The following FRMPD2 variants were observed in gnomAD, a reference collection of about 807,000 sequenced individuals.
The protein encoded by FRMPD2 is FERM and PDZ domain containing 2.
A neutral mutation model predicts 140.1 loss-of-function variants in FRMPD2; 96 were observed. That is an observed-to-expected ratio of 0.69 (90% CI 0.58 to 0.81). The LOEUF (loss-of-function observed/expected upper bound fraction) is 0.81, where lower values mean the gene tolerates loss of function less well. FRMPD2 is among the 40% of genes least tolerant of loss of function. FRMPD2 has a pLI of 0.00. For synonymous variants in FRMPD2, 449 were observed against 547.6 expected (o/e 0.82, Z 2.52); for missense variants, 1,240 against 1,447.4 (o/e 0.86, Z 2.32).
At chr10:48,250,852 A>C (rs1298134160) in intron 2 of FRMPD2, among the ~76,000 whole-genome samples, 2 of 141,124 alleles carry the variant, frequency 1.4e-5, no homozygotes, top group Non-Finnish European at 3.0e-5. Context: ...GCTGGAGGGC[A>C]GTGGCACAAT....
At chr10:48,246,660 G>C (rs906684460) in intron 3 of FRMPD2, among the ~76,000 whole-genome samples, 10 of 152,202 alleles carry the variant, frequency 6.6e-5, no homozygotes, top group Admixed American at 3.9e-4. Context: ...GGCAGATGTT[G>C]GTCCAAGGAG....
At chr10:48,203,020 G>C (rs1334173762) in intron 14 of FRMPD2, among the ~76,000 whole-genome samples, 1 of 152,044 alleles carries the variant, frequency 6.6e-6, no homozygotes, top group Non-Finnish European at 1.5e-5. Flanking sequence ...GGCTGCTCTC[G>C]AACTCCTGGA....
intron 4 of FRMPD2, among the ~76,000 whole-genome samples, 178 bp from the exon 5 acceptor site, chr10:48,242,530 A>G (rs145353522): frequency 6.6e-6 from 1 of 152,402 alleles, no homozygotes; most frequent in Admixed American, 6.5e-5. Flanking sequence ...CTGAGGCCGC[A>G]AAGTGCGGAG....
intron 4 of FRMPD2, 31 bp from the exon 5 acceptor site, chr10:48,242,383 G>A (rs370515806): frequency 6.3e-7 from 1 of 1,590,064 alleles, no homozygotes; most frequent in Non-Finnish European, 8.6e-7. Context: ...TGAGAGGAGA[G>A]AGCAGCCAGA....
chr10:48,232,577 C>T (rs534653315), intron 9 of FRMPD2, among the ~76,000 whole-genome samples: 8 of 152,264 alleles, frequency 5.3e-5, no homozygotes, highest in South Asian at 4.1e-4. Flanking sequence ...GTCTGACTGA[C>T]GTCTTTCCCA....
In FRMPD2 at chr10:48,211,949, C is replaced by T. The variant is rs1379665373; in HGVS notation, c.1611+5G>A. On this transcript the variant is annotated splice_donor_5th_base_variant and intron_variant, in intron 13 of 28. Coordinates refer to ENST00000374201, the MANE Select transcript of FRMPD2 (RefSeq NM_001018071.4). ...ACACCTCTCTCCAGGTCAGGAAGGC[C>T]TTACCCTCAAGAACTTCAGCTCAGC... is the stretch of plus-strand genomic sequence containing the variant. The T allele has an allele frequency of 6.2e-7, 1 of 1,612,978 alleles. No individual in the cohort carries two copies. The highest frequency in any genetic ancestry group is 8.5e-7 in the Non-Finnish European group (1 of 1,179,598).
At chr10:48,207,948 T>C (rs1212849259) in intron 13 of FRMPD2, among the ~76,000 whole-genome samples, 2 of 152,330 alleles carry the variant, frequency 1.3e-5, no homozygotes, top group East Asian at 1.9e-4. Context: ...ACAGCTATGC[T>C]GCCTGCAGAC....
chr10:48,228,800 TA>T (rs1271224948), intron 10 of FRMPD2, among the ~76,000 whole-genome samples: 3 of 152,032 alleles, frequency 2.0e-5, no homozygotes, highest in Non-Finnish European at 2.9e-5. Context: ...TGTTGTCGTT[TA>T]AAAAAGTAAT....
chr10:48,179,991 G>A (rs1474437353), intron 21 of FRMPD2, among the ~76,000 whole-genome samples: 3 of 152,212 alleles, frequency 2.0e-5, no homozygotes, highest in Non-Finnish European at 4.4e-5. Context: ...TGAGCCTGAA[G>A]GGCGAGAGAA....
intron 18 of FRMPD2, 147 bp from the exon 19 acceptor site, chr10:48,185,028 A>C (rs540175536): frequency 3.3e-6 from 2 of 610,816 alleles, no homozygotes; most frequent in South Asian, 4.3e-5. Flanking sequence ...CAAATAGAGG[A>C]TCTTTTCTAC....
chr10:48,184,902 C>T (rs1304723494), intron 18 of FRMPD2, 21 bp from the exon 19 acceptor site: 1 of 1,556,768 alleles, frequency 6.4e-7, no homozygotes, highest in Non-Finnish European at 8.8e-7. Context: ...AGATGATAGT[C>T]CATGATAAGA....
At chr10:48,174,012 T>A (rs1247775935) in intron 24 of FRMPD2, among the ~76,000 whole-genome samples, 1 of 152,146 alleles carries the variant, frequency 6.6e-6, no homozygotes, top group African/African-American at 2.4e-5. Flanking sequence ...TTAGCAAAGG[T>A]CTAAATATCA....
intron 1 of FRMPD2, among the ~76,000 whole-genome samples, chr10:48,256,807 C>T (rs1840499048): frequency 1.3e-5 from 2 of 152,192 alleles, no homozygotes; most frequent in South Asian, 4.1e-4. Context: ...CTCCAAACTC[C>T]TGGTTTGTCC....
chr10:48,250,047 C>A (rs769079878), intron 2 of FRMPD2, among the ~76,000 whole-genome samples: 1 of 152,126 alleles, frequency 6.6e-6, no homozygotes, highest in African/African-American at 2.4e-5. Flanking sequence ...ACCTCAAGGC[C>A]GGAACTTGAC....
intron 1 of FRMPD2, among the ~76,000 whole-genome samples, chr10:48,265,674 C>T (rs531514842): frequency 3.3e-5 from 5 of 152,278 alleles, no homozygotes; most frequent in African/African-American, 4.8e-5. Flanking sequence ...GAGATACCAT[C>T]TCACACTGGT....
intron 1 of FRMPD2, among the ~76,000 whole-genome samples, chr10:48,262,127 T>C (rs1840602345): frequency 6.6e-6 from 1 of 152,022 alleles, no homozygotes; most frequent in Non-Finnish European, 1.5e-5. Context: ...TCACTTTAAA[T>C]ATAAAGGTCT....
At chr10:48,258,433 T>C (rs996288752) in intron 1 of FRMPD2, among the ~76,000 whole-genome samples, 1 of 152,200 alleles carries the variant, frequency 6.6e-6, no homozygotes, top group Non-Finnish European at 1.5e-5. Context: ...CTGATTTAAA[T>C]AGTGGCTACA....
At position 48,242,238 on chromosome 10, in the gene FRMPD2, CT is replaced by C. The variant is rs774572379; in HGVS notation, c.489del (p.Glu164LysfsTer89). ...SVLEACRVHE[K>X]EVSVYPAPAG... ...GCAGGGGCTGGGTAGACAGACACTTCTTTCTCATGAACCCGACAAGCTTCCA... is the reference window on the plus strand; with the variant it reads ...GCAGGGGCTGGGTAGACAGACACTTCTTCTCATGAACCCGACAAGCTTCCA... On this transcript the variant is annotated frameshift_variant, in exon 5 of 29. Coordinates refer to ENST00000374201, the MANE Select transcript of FRMPD2 (RefSeq NM_001018071.4). LOFTEE classifies it high-confidence loss of function. 6.2e-7 allele frequency: 1 copy of C among 1,614,198 alleles called. No homozygotes were observed. Among genetic ancestry groups the C allele is most frequent in the African/African-American group, 1.3e-5 (1 of 75,060 alleles).
In FRMPD2 at chr10:48,237,896, A is replaced by G. The variant is rs1840006527; in HGVS notation, c.921+95T>C. ...CCTCAGCCCAGGGAAGTTGTCCCCT[A>G]GAAGACCCTGCCCATTTTCAGCCAC... On this transcript the variant is annotated intron_variant, in intron 8 of 28. Transcript: ENST00000374201. 2.1e-6 allele frequency: 3 copies of G among 1,452,834 alleles called. No individual in the cohort carries two copies. In the African/African-American group the frequency reaches 4.2e-5, roughly 20 times the overall value. 90.0% of individuals were successfully genotyped at this position (1,452,834 alleles called of 1,614,324 possible). A position where few individuals can be genotyped will look rare whatever the true frequency, so the allele number is the denominator to read the frequency against.
Sources: allele counts gnomAD v4.1 joint callset (sites outside exome capture counted in the v4.1 genomes callset), GRCh38; gene constraint gnomAD v4.1.1; transcripts MANE v1.5; gene names NCBI Gene and HGNC (gene_info 2026-07-23, HGNC 2026-07-21).